SLC2A7: variants seen among roughly 807,000 people sequenced by gnomAD.
The protein encoded by SLC2A7 is solute carrier family 2, facilitated glucose transporter member 7.
Under a neutral mutation model 50.5 loss-of-function variants are expected in SLC2A7, and 50 were observed. The ratio of observed to expected loss-of-function variants is 0.99; its 90% CI spans 0.79 to 1.25. The LOEUF is 1.25. SLC2A7 is among the 50% of genes most tolerant of loss of function. SLC2A7 has a pLI of 0.00. For synonymous variants in SLC2A7, 308 were observed against 300.4 expected, an observed-to-expected ratio of 1.03 and a Z score of -0.26; for missense variants, 683 against 679.1, an observed-to-expected ratio of 1.01 and a Z score of -0.06.
intron 8 of SLC2A7, among the ~76,000 whole-genome samples, chr1:9,012,714 C>A (rs12076084): frequency 6.6e-6 from 1 of 151,952 alleles, no homozygotes; most frequent in Non-Finnish European, 1.5e-5. Flanking sequence ...ATCATCTGAC[C>A]CTTTTTCATG....
rs374881051 is a variant in SLC2A7 at position 9,025,102 on chromosome 1, C to T, written c.52-28G>A. 36 of 1,610,418 alleles carry T rather than the reference C, an allele frequency of 2.2e-5. No homozygotes were observed. In the Admixed American group the frequency reaches 2.3e-4, roughly 10 times the overall value. On this transcript the variant is annotated intron_variant, in intron 1 of 11. Coordinates refer to ENST00000400906, the MANE Select transcript of SLC2A7 (RefSeq NM_207420.3). Reference sequence around the variant, plus strand: ...GTAGGAGACAAGTCCAAGGTCGGGACGCTGTGGGCTTGGGCCTCGGGAAGT... The same window carrying T: ...GTAGGAGACAAGTCCAAGGTCGGGATGCTGTGGGCTTGGGCCTCGGGAAGT...
chr1:9,023,085 A>C lies in SLC2A7; in HGVS notation c.151-7T>G, dbSNP rs767706710. On this transcript the variant is annotated splice_polypyrimidine_tract_variant and splice_region_variant and intron_variant, in intron 2 of 11. Transcript: ENST00000400906. ...TGTAAAATGACTTGAAGACCTGGAA[A>C]ACATTGCCCCATCCACAGCTAAGAA... 5 of 1,611,896 alleles carry C rather than the reference A, an allele frequency of 3.1e-6. No individual in the cohort carries two copies. The highest frequency in any genetic ancestry group is 4.2e-6 in the Non-Finnish European group (5 of 1,178,368).
chr1:9,021,885 A>T (rs942224940), intron 3 of SLC2A7, among the ~76,000 whole-genome samples: 2 of 152,138 alleles, frequency 1.3e-5, no homozygotes, highest in African/African-American at 4.8e-5. Flanking sequence ...AAGGAAGTGG[A>T]GGCCAAGACT....
chr1:9,004,241 G>A (rs1480605067), intron 11 of SLC2A7, among the ~76,000 whole-genome samples: 1 of 150,000 alleles, frequency 6.7e-6, no homozygotes, highest in East Asian at 2.0e-4. Flanking sequence ...GCTGAGGTAG[G>A]AGGATCACTT....
chr1:9,006,613 CA>C (rs1381460642), intron 10 of SLC2A7, among the ~76,000 whole-genome samples: 2 of 152,212 alleles, frequency 1.3e-5, no homozygotes, highest in Non-Finnish European at 2.9e-5. Flanking sequence ...GTGCCTGACA[CA>C]GCACAGTGTA....
Position 9,026,328 on chromosome 1 carries a change from C to G in SLC2A7, c.18G>C (p.Ala6=). ...TGGATGGAATGGGTGGAGGGGTTCC[C>G]GCCTCTTTGTTCTCCATCCTTGTTC... The part of the protein sequence containing the change: MENKE[A]GTPPPIPSRE... The change falls in exon 1 of 12, where the codon GCG becomes GCC. Residue 6 remains alanine, a synonymous_variant. Coordinates refer to ENST00000400906, the MANE Select transcript of SLC2A7 (RefSeq NM_207420.3). 1 of 1,609,106 alleles carries G rather than the reference C, an allele frequency of 6.2e-7. No individual in the cohort carries two copies. The highest frequency in any genetic ancestry group is 8.5e-7 in the Non-Finnish European group (1 of 1,177,788).
chr1:9,000,988 C>T (rs1298894616), downstream of SLC2A7, among the ~76,000 whole-genome samples: 1 of 152,134 alleles, frequency 6.6e-6, no homozygotes, highest in Non-Finnish European at 1.5e-5. Flanking sequence ...CCCACCGAGT[C>T]CTATCTGAAT....
chr1:9,014,743 G>A lies in SLC2A7; in HGVS notation c.841C>T (p.Arg281Cys), dbSNP rs553834240. 27 of 1,578,664 alleles carry A rather than the reference G, an allele frequency of 1.7e-5. No individual in the cohort carries two copies. In the East Asian group the frequency reaches 2.6e-4, roughly 15 times the overall value. Residue 281 changes from arginine to cysteine, a missense_variant, in exon 7 of 12, where the codon CGC becomes TGC. Physicochemically the swap from Arg to Cys is radical, Grantham distance 180. Coordinates refer to ENST00000400906, the MANE Select transcript of SLC2A7 (RefSeq NM_207420.3). ...ACGATGATGGAGAGGAGCTGCCAGCGCAGGGACCGCAGGGCACAGAGGTGC... is the reference window on the plus strand; with the variant it reads ...ACGATGATGGAGAGGAGCTGCCAGCACAGGGACCGCAGGGCACAGAGGTGC... ...VLHLCALRSL[R>C]WQLLSIIVLM... is the part of the protein sequence containing the mutation.
chr1:9,022,038 A>T (rs1316432634), intron 3 of SLC2A7, among the ~76,000 whole-genome samples: 1 of 152,228 alleles, frequency 6.6e-6, no homozygotes, highest in Non-Finnish European at 1.5e-5. Context: ...TGGCAAATTA[A>T]TTGTCGATCA....
chr1:9,015,227 A>G lies in SLC2A7; in HGVS notation c.605T>C (p.Leu202Pro), dbSNP rs775712654. 6.5e-5 allele frequency: 104 copies of G among 1,600,340 alleles called. No individual in the cohort carries two copies. Among genetic ancestry groups the G allele is most frequent in the Non-Finnish European group, 8.6e-5 (101 of 1,175,250 alleles). The change falls in exon 6 of 12, where the codon CTG becomes CCG. Residue 202 changes from leucine (L) to proline (P), a missense_variant. Physicochemically the swap from Leu to Pro is moderately conservative, Grantham distance 98. Transcript: ENST00000400906. ...CAGGGCGGGCACCCCTGTGAGCGCC[A>G]GAAGCACCGGCCAGCCTGCAAGGAG... ...LGNPAGWPVL[L>P]ALTGVPALLQ...
intron 10 of SLC2A7, among the ~76,000 whole-genome samples, chr1:9,006,820 C>A (rs1048678851): frequency 3.0e-4 from 45 of 152,286 alleles, no homozygotes; most frequent in African/African-American, 1.1e-3. Context: ...TCAGAGGCTG[C>A]CCAACAGGTG....
At chr1:9,024,864 G>GCGCC (rs1640971053) in intron 2 of SLC2A7, 112 bp downstream of exon 2, 15 of 1,195,638 alleles carry the variant, frequency 1.3e-5, no homozygotes, top group African/African-American at 9.1e-5. Context: ...AGGCAAGATG[G>GCGCC]TGCCTCCTAC....
At chr1:8,994,159 A>C in the SLC2A7 span, among the ~76,000 whole-genome samples, 457 of 152,338 alleles carry the variant, frequency 3.0e-3, 4 homozygotes, top group African/African-American at 0.01. Context: ...CACCACGCCC[A>C]AGTGTAACCG....
At chr1:9,019,186 G>A (rs779252306) in intron 4 of SLC2A7, 23 bp downstream of exon 4, 2 of 1,611,456 alleles carry the variant, frequency 1.2e-6, no homozygotes, top group South Asian at 1.1e-5. Context: ...CCAAGGCTGA[G>A]CCGGAGCCTG....
At chr1:9,000,684 C>G (rs532309316), downstream of SLC2A7, among the ~76,000 whole-genome samples, 1 of 152,154 alleles carries the variant, frequency 6.6e-6, no homozygotes, top group South Asian at 2.1e-4. Context: ...ACCATCCCCC[C>G]TGCCACTATT....
At chr1:9,004,335 A>C (rs1640620140) in intron 11 of SLC2A7, among the ~76,000 whole-genome samples, 1 of 151,660 alleles carries the variant, frequency 6.6e-6, no homozygotes, top group Non-Finnish European at 1.5e-5. Flanking sequence ...CCTGTCTAAA[A>C]AAAAAAAAAA....
chr1:8,993,372 A>G, the SLC2A7 span, among the ~76,000 whole-genome samples: 1 of 152,172 alleles, frequency 6.6e-6, no homozygotes, highest in Admixed American at 6.5e-5. Flanking sequence ...GTAGCCTTTG[A>G]GCATTTGTAA....
chr1:9,025,173 G>A, intron 1 of SLC2A7, 99 bp from the exon 2 acceptor site: 4 of 1,236,540 alleles, frequency 3.2e-6, no homozygotes, highest in East Asian at 2.5e-5. Flanking sequence ...CTGGAAGTGG[G>A]GGATGGGGGA....
intron 2 of SLC2A7, among the ~76,000 whole-genome samples, chr1:9,023,821 T>TAGGA (rs1640951201): frequency 7.1e-6 from 1 of 141,388 alleles, no homozygotes; most frequent in African/African-American, 2.6e-5. Flanking sequence ...AGAGGCACCA[T>TAGGA]AGGAAATATT....
Sources: gnomAD v4.1 joint callset for allele counts (sites outside exome capture counted in the v4.1 genomes callset) on GRCh38, gnomAD v4.1.1 for gene constraint, MANE v1.5 for transcripts, NCBI Gene and HGNC (gene_info 2026-07-23, HGNC 2026-07-21) for gene names.